The following SETD5 variants were observed in gnomAD, a reference collection of about 807,000 sequenced individuals.
SETD5 encodes the protein histone-lysine N-methyltransferase SETD5.
In SETD5, 44 loss-of-function variants were observed where a neutral mutation model predicts 153.3. That is an observed-to-expected ratio of 0.29 (90% CI 0.23 to 0.37). The LOEUF (loss-of-function observed/expected upper bound fraction) is 0.37. SETD5 is among the 10% of genes least tolerant of loss of function. The pLI is 1.00. For missense variants in SETD5, 1,544 were observed against 1,768.0 expected, an observed-to-expected ratio of 0.87 and a Z score of 2.27; for synonymous variants, 716 against 645.2, an observed-to-expected ratio of 1.11 and a Z score of -1.66.
At chr3:9,440,765 G>A in intron 8 of SETD5, 67 bp downstream of exon 8, 2 of 1,523,532 alleles carry the variant, frequency 1.3e-6, no homozygotes, top group Non-Finnish European at 1.8e-6. Flanking sequence ...AGAGGGTAAT[G>A]GATTGGAATT....
At chr3:9,452,659 ATTT>A (rs1164278885) in intron 16 of SETD5, among the ~76,000 whole-genome samples, 14 of 59,822 alleles carry the variant, frequency 2.3e-4, no homozygotes, top group African/African-American at 5.0e-4. Context: ...ATGATGTAAG[ATTT>A]TTTTTTTTTT....
chr3:9,405,088 C>G (rs963518929), intron 1 of SETD5, among the ~76,000 whole-genome samples: 1 of 152,106 alleles, frequency 6.6e-6, no homozygotes, highest in African/African-American at 2.4e-5. Flanking sequence ...CTAATTTGCC[C>G]CATTCTTAAA....
chr3:9,448,573 C>A lies in SETD5; in HGVS notation c.2289C>A (p.Ile763=). 1 of 1,612,248 alleles carries A rather than the reference C, an allele frequency of 6.2e-7. No individual in the cohort carries two copies. The highest frequency in any genetic ancestry group is 8.5e-7 in the Non-Finnish European group (1 of 1,178,622). The part of the protein sequence containing the change: ...KHYIRFGSPF[I]PERRRRPLLP... The stretch of plus-strand genomic sequence containing the variant: ...ACATTCGCTTTGGCTCACCCTTTAT[C>A]CCTGAGAGACGTCGAAGGCCCCTTC... The change falls in exon 16 of 23, where the codon ATC becomes ATA. Residue 763 remains isoleucine, a synonymous_variant. Coordinates refer to ENST00000402198, the MANE Select transcript of SETD5 (RefSeq NM_001080517.3).
chr3:9,433,513 T>C, intron 3 of SETD5: 1 of 1,293,324 alleles, frequency 7.7e-7, no homozygotes, highest in Non-Finnish European at 1.0e-6. Context: ...TAGTTCTGAG[T>C]CTAAACCAGC....
chr3:9,398,307 T>C (rs1277604044), intron 1 of SETD5: 4 of 152,058 alleles, frequency 2.6e-5, no homozygotes. Flanking sequence ...ACCTTTCCCT[T>C]GAGGAGAGGC....
intron 8 of SETD5, 23 bp downstream of exon 8, chr3:9,440,721 C>T (rs1229005634): frequency 6.2e-7 from 1 of 1,603,184 alleles, no homozygotes; most frequent in South Asian, 1.1e-5. Context: ...GGGTTGAGGA[C>T]TCTCTAAGTA....
chr3:9,433,525 C>G (rs887127501), intron 3 of SETD5: 31 of 1,293,414 alleles, frequency 2.4e-5, no homozygotes, highest in Non-Finnish European at 3.0e-5. Flanking sequence ...TAAACCAGCC[C>G]AGAGTGGCTT....
intron 3 of SETD5, among the ~76,000 whole-genome samples, chr3:9,432,506 A>G (rs1000155713): frequency 2.0e-5 from 3 of 152,200 alleles, no homozygotes; most frequent in African/African-American, 7.2e-5. Flanking sequence ...AGACCCATTA[A>G]TCTCTAAGTT....
intron 1 of SETD5, among the ~76,000 whole-genome samples, chr3:9,417,942 G>GTTTTT (rs777339095): frequency 7.8e-5 from 10 of 128,798 alleles, no homozygotes; most frequent in African/African-American, 2.9e-4. Flanking sequence ...CAAGAGTTTT[G>GTTTTT]TTTTTTTTTT....
At chr3:9,446,985 T>C (rs187255741) in intron 13 of SETD5, 65 bp from the exon 14 acceptor site, 15 of 1,180,756 alleles carry the variant, frequency 1.3e-5, no homozygotes, top group South Asian at 5.0e-5. Flanking sequence ...AAAAATACTT[T>C]TATAAAAGCT....
intron 18 of SETD5, among the ~76,000 whole-genome samples, chr3:9,466,815 A>G (rs1413570785): frequency 6.6e-6 from 1 of 152,126 alleles, no homozygotes; most frequent in South Asian, 2.1e-4. Context: ...GCTTGAGGCC[A>G]GGGGTTTGAG....
intron 18 of SETD5, chr3:9,468,711 A>C: frequency 1.7e-6 from 1 of 597,298 alleles, no homozygotes; most frequent in Non-Finnish European, 2.8e-6. Flanking sequence ...CAGTCACAGT[A>C]AGTTGAATGA....
chr3:9,444,537 CTT>C (rs112373936), intron 11 of SETD5, among the ~76,000 whole-genome samples: 1 of 148,908 alleles, frequency 6.7e-6, no homozygotes, highest in African/African-American at 2.5e-5. Context: ...GGAGGGCTTT[CTT>C]TTTTTTTTCC....
intron 7 of SETD5, among the ~76,000 whole-genome samples, chr3:9,440,245 C>T (rs2041108428): frequency 6.6e-6 from 1 of 152,116 alleles, no homozygotes; most frequent in South Asian, 2.1e-4. Flanking sequence ...TGAGCTTCCC[C>T]ATTTAAAGAA....
intron 18 of SETD5, among the ~76,000 whole-genome samples, chr3:9,467,282 G>A (rs1227259118): frequency 6.6e-6 from 1 of 150,980 alleles, no homozygotes. Flanking sequence ...AAGCATTCAG[G>A]AAAATGGTGA....
At chr3:9,449,325 C>G (rs368256764) in intron 16 of SETD5, among the ~76,000 whole-genome samples, 2 of 152,070 alleles carry the variant, frequency 1.3e-5, no homozygotes, top group Non-Finnish European at 2.9e-5. Flanking sequence ...CCCAGAAGCC[C>G]TGCATATTTT....
At chr3:9,468,512 C>T (rs2044900919) in intron 18 of SETD5, 1 of 1,304,234 alleles carries the variant, frequency 7.7e-7, no homozygotes, top group Non-Finnish European at 1.0e-6. Flanking sequence ...GCTTTTCCCT[C>T]CTCTAGAACA....
chr3:9,419,875 TGAA>T (rs1047409013), intron 1 of SETD5, among the ~76,000 whole-genome samples: 6 of 152,148 alleles, frequency 3.9e-5, no homozygotes, highest in South Asian at 2.1e-4. Context: ...GGTTTGAAAA[TGAA>T]GAAGATCTGA....
chr3:9,400,884 G>A (rs1230762930), intron 1 of SETD5, among the ~76,000 whole-genome samples: 1 of 152,220 alleles, frequency 6.6e-6, no homozygotes, highest in East Asian at 1.9e-4. Flanking sequence ...AACAGTCTGA[G>A]CGTGGAAAAA....
Sources: gnomAD v4.1 joint callset for allele counts (sites outside exome capture counted in the v4.1 genomes callset) on GRCh38, gnomAD v4.1.1 for gene constraint, MANE v1.5 for transcripts, NCBI Gene and HGNC (gene_info 2026-07-23, HGNC 2026-07-21) for gene names.